KCNMA1: variants seen among roughly 807,000 people sequenced by gnomAD.
The protein encoded by KCNMA1 is potassium calcium-activated channel subfamily M alpha 1, also known as Calcium-activated potassium channel subunit alpha-1.
KCNMA1 carries 29 observed loss-of-function variants against 140.0 expected under a neutral mutation model. The observed-to-expected ratio is 0.21, with a 90% CI of 0.15 to 0.28. The LOEUF (loss-of-function observed/expected upper bound fraction) is 0.28. Ranked by LOEUF, KCNMA1 falls within the 10% of genes least tolerant of loss-of-function variation. The probability of loss-of-function intolerance (pLI) is 1.00; values close to 1 mark genes in which losing one functional copy is unlikely to be tolerated. For synonymous variants in KCNMA1, 612 were observed against 611.9 expected (o/e 1.00, Z 0.00); for missense variants, 880 against 1,602.2 (o/e 0.55, Z 7.70).
At chr10:77,407,588 G>T (rs139625514) in intron 1 of KCNMA1, among the ~76,000 whole-genome samples, 278 of 152,334 alleles carry the variant, frequency 1.8e-3, no homozygotes, top group Middle Eastern at 6.8e-3. Context: ...TCAGAAAAAG[G>T]CACAGAGCCT....
chr10:77,505,791 T>C (rs1484447054), intron 1 of KCNMA1, among the ~76,000 whole-genome samples: 2 of 152,132 alleles, frequency 1.3e-5, no homozygotes, highest in Non-Finnish European at 2.9e-5. Context: ...TGAAAGAGTA[T>C]TTGTGGAGGA....
intron 2 of KCNMA1, among the ~76,000 whole-genome samples, chr10:77,334,279 T>C (rs1455849844): frequency 1.3e-5 from 2 of 152,298 alleles, no homozygotes; most frequent in African/African-American, 4.8e-5. Flanking sequence ...GGGAGTTCAT[T>C]GTAAGACTCT....
chr10:76,949,876 A>T (rs1342490985), intron 21 of KCNMA1, among the ~76,000 whole-genome samples: 1 of 152,222 alleles, frequency 6.6e-6, no homozygotes, highest in Non-Finnish European at 1.5e-5. Flanking sequence ...ATGTCCGTGC[A>T]TCAGCAGGTG....
At chr10:76,906,014 C>T (rs1389481055) in intron 25 of KCNMA1, among the ~76,000 whole-genome samples, 1 of 152,224 alleles carries the variant, frequency 6.6e-6, no homozygotes, top group Non-Finnish European at 1.5e-5. Flanking sequence ...ATCTCTGCAA[C>T]CCTGTGACAT....
At chr10:77,004,511 G>T (rs2087713102) in intron 18 of KCNMA1, among the ~76,000 whole-genome samples, 1 of 152,128 alleles carries the variant, frequency 6.6e-6, no homozygotes, top group Non-Finnish European at 1.5e-5. Flanking sequence ...GATTCATCAG[G>T]CTTGAAGGAT....
At chr10:77,072,092 C>T (rs2096236932) in intron 14 of KCNMA1, among the ~76,000 whole-genome samples, 1 of 152,174 alleles carries the variant, frequency 6.6e-6, no homozygotes, top group Non-Finnish European at 1.5e-5. Context: ...TTCCAGCCTC[C>T]TTTATGGACC....
At chr10:77,252,711 G>T (rs547144) in intron 2 of KCNMA1, among the ~76,000 whole-genome samples, 1 of 151,782 alleles carries the variant, frequency 6.6e-6, no homozygotes, top group South Asian at 2.1e-4. Context: ...TTGCAAAACT[G>T]CATGGAGCTC....
intron 14 of KCNMA1, among the ~76,000 whole-genome samples, chr10:77,048,108 C>CAATA (rs60963807): frequency 8.1e-4 from 117 of 143,658 alleles, no homozygotes; most frequent in African/African-American, 2.1e-3. Flanking sequence ...CATGATGAGA[C>CAATA]AATAAATAAA....
At chr10:77,053,505 A>T (rs1185815882) in intron 14 of KCNMA1, among the ~76,000 whole-genome samples, 7 of 152,180 alleles carry the variant, frequency 4.6e-5, no homozygotes, top group Non-Finnish European at 8.8e-5. Context: ...GTTGATGAAC[A>T]ATGCTGCTGC....
intron 2 of KCNMA1, among the ~76,000 whole-genome samples, chr10:77,264,203 A>G (rs982321571): frequency 6.6e-6 from 1 of 152,040 alleles, no homozygotes; most frequent in African/African-American, 2.4e-5. Flanking sequence ...TGGTCTCACC[A>G]TTCTCCCTCT....
intron 3 of KCNMA1, among the ~76,000 whole-genome samples, chr10:77,227,175 A>C (rs140929679): frequency 1.4e-4 from 21 of 152,284 alleles, no homozygotes; most frequent in African/African-American, 5.1e-4. Flanking sequence ...TCATGGAGAA[A>C]AGCAGAAGAG....
Position 77,492,552 on chromosome 10 carries a change from G to A in KCNMA1, c.379-88529C>T, listed in dbSNP as rs1047016567. ...TGGTATCATCATCATCTAGATTTTC[G>A]AGATGATGAAATGGAGGTATAGGGA... On this transcript the variant is annotated intron_variant, in intron 1 of 27. Coordinates refer to ENST00000286628, the MANE Select transcript of KCNMA1 (RefSeq NM_001161352.2). Among the ~76,000 whole-genome samples, 6 of 152,100 alleles carry A rather than the reference G, an allele frequency of 3.9e-5. No individual in the cohort carries two copies. The South Asian group carries it at 6.2e-4, about 16-fold the overall frequency.
chr10:77,094,602 A>G (rs1326706453), intron 9 of KCNMA1, among the ~76,000 whole-genome samples: 1 of 152,184 alleles, frequency 6.6e-6, no homozygotes, highest in Non-Finnish European at 1.5e-5. Flanking sequence ...CATAAGTTCC[A>G]CCGGTCAGGA....
chr10:77,007,468 T>C (rs1434552688), intron 18 of KCNMA1, among the ~76,000 whole-genome samples: 1 of 151,948 alleles, frequency 6.6e-6, no homozygotes, highest in Non-Finnish European at 1.5e-5. Flanking sequence ...ACAATTGAGA[T>C]ACTTACAGTC....
chr10:77,197,922 C>T (rs902481975), intron 3 of KCNMA1, among the ~76,000 whole-genome samples: 3 of 152,060 alleles, frequency 2.0e-5, no homozygotes, highest in East Asian at 1.9e-4. Context: ...CTGTACAGAG[C>T]GCTGGCATTA....
rs1231657392 is a variant in KCNMA1, at chr10:76,976,423, C to T, written c.2267-6356G>A. Reference sequence around the variant, plus strand: ...GAGTAATGAAAGAATTCAGCTCCTCCATAGGAGAGAGAAAAAAAATACTAT... The same window carrying T: ...GAGTAATGAAAGAATTCAGCTCCTCTATAGGAGAGAGAAAAAAAATACTAT... On this transcript the variant is annotated intron_variant, in intron 19 of 27. Coordinates refer to ENST00000286628, the MANE Select transcript of KCNMA1 (RefSeq NM_001161352.2). Among the ~76,000 whole-genome samples the T allele has an allele frequency of 2.0e-5, 3 of 152,078 alleles. No individual in the cohort carries two copies. The East Asian group carries it at 5.8e-4, about 29-fold the overall frequency.
chr10:77,035,595 G>C (rs1408733491), intron 15 of KCNMA1, among the ~76,000 whole-genome samples: 2 of 152,194 alleles, frequency 1.3e-5, no homozygotes. Flanking sequence ...TCCTCTAGAA[G>C]TGGCACCAAG....
At chr10:77,278,834 C>T (rs938733418) in intron 2 of KCNMA1, among the ~76,000 whole-genome samples, 6 of 152,138 alleles carry the variant, frequency 3.9e-5, no homozygotes, top group African/African-American at 1.4e-4. Flanking sequence ...ATTATCCATC[C>T]CTCTGCTATT....
intron 1 of KCNMA1, among the ~76,000 whole-genome samples, chr10:77,470,073 G>A (rs577405082): frequency 2.6e-5 from 4 of 152,030 alleles, no homozygotes; most frequent in Non-Finnish European, 4.4e-5. Flanking sequence ...GGATGCGTCC[G>A]GCTGCCTTTG....
Sources: allele counts gnomAD v4.1 joint callset (sites outside exome capture counted in the v4.1 genomes callset), GRCh38; gene constraint gnomAD v4.1.1; transcripts MANE v1.5; gene names NCBI Gene and HGNC (gene_info 2026-07-23, HGNC 2026-07-21).